EXTL3: variants seen among roughly 807,000 people sequenced by gnomAD.
EXTL3 encodes exostosin like glycosyltransferase 3, also known as exostosin-like 3.
In EXTL3, 27 loss-of-function variants were observed where a neutral mutation model predicts 69.3. The ratio of observed to expected loss-of-function variants is 0.39; its 90% CI spans 0.29 to 0.54. The LOEUF is 0.54. Ranked by LOEUF, EXTL3 falls within the 20% of genes least tolerant of loss-of-function variation. The probability of loss-of-function intolerance (pLI) is 0.69; values close to 1 mark genes in which losing one functional copy is unlikely to be tolerated. For synonymous variants in EXTL3, 511 were observed against 499.4 expected (o/e 1.02, Z -0.31); for missense variants, 1,003 against 1,231.8 (o/e 0.81, Z 2.78).
intron 1 of EXTL3, among the ~76,000 whole-genome samples, chr8:28,638,911 G>A (rs905402768): frequency 6.6e-6 from 1 of 151,508 alleles, no homozygotes; most frequent in Non-Finnish European, 1.5e-5. Flanking sequence ...GATTACAGGT[G>A]TGAGCCACTG....
At chr8:28,698,246 A>G (rs993556073), upstream of EXTL3, 7 of 152,270 alleles carry the variant, frequency 4.6e-5, no homozygotes, top group Non-Finnish European at 1.0e-4. Flanking sequence ...GTTAGGAAAG[A>G]TAAAGGTAAC....
At chr8:28,740,100 T>G (rs1019796934) in intron 5 of EXTL3, 1 of 152,226 alleles carries the variant, frequency 6.6e-6, no homozygotes, top group Admixed American at 6.5e-5. Flanking sequence ...AGTGTTGTCC[T>G]ATGCACTGAC....
rs577307367 is a variant in EXTL3 at position 28,695,254 on chromosome 8, G to A, written c.-52-18203G>A. On this transcript the variant is annotated intron_variant, in intron 1 of 6. Coordinates refer to the EXTL3 transcript ENST00000523149. ...AAGTGATTCTCTGCCTCAGCCTCCC[G>A]AGTAGCTGGGATTACAGGCACCCAC... is the stretch of plus-strand genomic sequence containing the variant. 4.0e-5 allele frequency among the ~76,000 whole-genome samples: 6 copies of A among 151,088 alleles called. No individual in the cohort carries two copies. The South Asian group carries it at 6.3e-4, about 16-fold the overall frequency.
At chr8:28,682,839 C>G (rs756787409) in intron 1 of EXTL3, among the ~76,000 whole-genome samples, 2 of 152,196 alleles carry the variant, frequency 1.3e-5, no homozygotes, top group Non-Finnish European at 2.9e-5. Context: ...TTGCCCAAAC[C>G]AATGTCAAGA....
intron 1 of EXTL3, among the ~76,000 whole-genome samples, chr8:28,688,141 A>G (rs1322112823): frequency 2.0e-5 from 3 of 149,950 alleles, no homozygotes; most frequent in South Asian, 2.1e-4. Flanking sequence ...GGCTCACTGC[A>G]ACCTCTGCCT....
In EXTL3 at chr8:28,750,648, C is replaced by T. The variant is rs771117794; in HGVS notation, c.2551-9C>T. The T allele has an allele frequency of 8.1e-6, 13 of 1,612,370 alleles. No homozygotes were observed. Among genetic ancestry groups the T allele is most frequent in the African/African-American group, 2.7e-5 (2 of 75,028 alleles). On this transcript the variant is annotated splice_polypyrimidine_tract_variant and intron_variant, in intron 6 of 6. Transcript: ENST00000220562. This position sits in a 1 kb window ranked among gnomAD's most constrained non-coding sequence, Gnocchi z 5.2. ...GGATTCCCACTCTGTCTCTCTCTCC[C>T]GTTTCCAGGTGACCTCACGGTGGAC...
At chr8:28,705,295 A>T (rs1466266742) in intron 1 of EXTL3, among the ~76,000 whole-genome samples, 1 of 152,256 alleles carries the variant, frequency 6.6e-6, no homozygotes, top group East Asian at 1.9e-4. Context: ...CAAGGAGCTT[A>T]TGAGTCAAGA....
At chr8:28,665,622 T>C (rs1807185040) in intron 1 of EXTL3, among the ~76,000 whole-genome samples, 1 of 151,842 alleles carries the variant, frequency 6.6e-6, no homozygotes. Context: ...ATGTTGCCCA[T>C]GGCTCAAACT....
intron 3 of EXTL3, among the ~76,000 whole-genome samples, chr8:28,730,870 A>G (rs1585286576): frequency 1.3e-5 from 2 of 152,210 alleles, no homozygotes; most frequent in East Asian, 1.9e-4. Context: ...TGGGAATTCC[A>G]TAGCCATTGG....
At chr8:28,644,828 A>G (rs2057343518) in intron 1 of EXTL3, among the ~76,000 whole-genome samples, 1 of 152,108 alleles carries the variant, frequency 6.6e-6, no homozygotes, top group South Asian at 2.1e-4. Context: ...TTCATTTATT[A>G]TAATTTTGCT....
intron 1 of EXTL3, among the ~76,000 whole-genome samples, chr8:28,640,019 G>C (rs146537973): frequency 6.6e-6 from 1 of 152,272 alleles, no homozygotes; most frequent in Non-Finnish European, 1.5e-5. Flanking sequence ...AGAATCACTT[G>C]AACCTGGGAG....
chr8:28,625,639 T>C (rs1404528275), intron 1 of EXTL3, among the ~76,000 whole-genome samples: 1 of 152,118 alleles, frequency 6.6e-6, no homozygotes, highest in Non-Finnish European at 1.5e-5. Flanking sequence ...GTTTTAGGAT[T>C]AGGAATATGA....
chr8:28,731,274 G>A lies in EXTL3; in HGVS notation c.2200G>A (p.Glu734Lys). The change falls in exon 4 of 7, where the codon GAA becomes AAA. Residue 734 changes from glutamate (E) to lysine (K), a missense_variant. Transcript: ENST00000220562. ...SLNNRFLPWNEIETEAILSID... is the reference protein window; with the variant it reads ...SLNNRFLPWNKIETEAILSID... Reference sequence around the variant, plus strand: ...GAACAACCGATTCTTACCCTGGAATGAAATTGAGACAGAGGCCATCCTGTC... The same window carrying A: ...GAACAACCGATTCTTACCCTGGAATAAAATTGAGACAGAGGCCATCCTGTC... 6.2e-7 allele frequency: 1 copy of A among 1,614,230 alleles called. No homozygotes were observed. The highest frequency in any genetic ancestry group is 8.5e-7 in the Non-Finnish European group (1 of 1,180,036).
At chr8:28,743,296 C>T in intron 6 of EXTL3, 82 bp downstream of exon 6, 1 of 1,476,044 alleles carries the variant, frequency 6.8e-7, no homozygotes, top group South Asian at 1.1e-5. Flanking sequence ...CGTAACTGCA[C>T]TGTACCTCAG....
intron 1 of EXTL3, among the ~76,000 whole-genome samples, chr8:28,662,416 A>G (rs950611906): frequency 6.6e-6 from 1 of 152,236 alleles, no homozygotes; most frequent in Non-Finnish European, 1.5e-5. Context: ...CATCAGTAGT[A>G]GTAATACAAA....
At chr8:28,719,623 T>C (rs940660931) in intron 3 of EXTL3, among the ~76,000 whole-genome samples, 2 of 152,246 alleles carry the variant, frequency 1.3e-5, no homozygotes, top group African/African-American at 4.8e-5. Flanking sequence ...TTTATCCCAG[T>C]GTATTTTGTA....
At chr8:28,736,308 C>A (rs1005912072) in intron 4 of EXTL3, among the ~76,000 whole-genome samples, 1 of 152,128 alleles carries the variant, frequency 6.6e-6, no homozygotes, top group South Asian at 2.1e-4. Context: ...GAAATAAAAT[C>A]TTCTGTGTCT....
At chr8:28,731,645 A>G (rs1801540714) in intron 4 of EXTL3, among the ~76,000 whole-genome samples, 1 of 152,060 alleles carries the variant, frequency 6.6e-6, no homozygotes, top group African/African-American at 2.4e-5. Flanking sequence ...CAGGTGTATC[A>G]TCCTTAAATC....
At chr8:28,620,545 C>T (rs1012142599), upstream of EXTL3, among the ~76,000 whole-genome samples, 2 of 152,116 alleles carry the variant, frequency 1.3e-5, no homozygotes, top group Non-Finnish European at 2.9e-5. Flanking sequence ...GCATTTGGAC[C>T]GGAATCCAGG....
Sources: gnomAD v4.1 joint callset for allele counts (sites outside exome capture counted in the v4.1 genomes callset) on GRCh38, gnomAD v4.1.1 for gene constraint, Gnocchi (gnomAD v3.1) non-coding constraint, MANE v1.5 for transcripts, NCBI Gene and HGNC (gene_info 2026-07-23, HGNC 2026-07-21) for gene names.